The following INTS10 variants were observed in gnomAD, a reference collection of about 807,000 sequenced individuals.
INTS10 encodes integrator complex subunit 10.
A neutral mutation model predicts 94.4 loss-of-function variants in INTS10; 44 were observed. That is an observed-to-expected ratio of 0.47 (90% confidence interval 0.37 to 0.60). The LOEUF (loss-of-function observed/expected upper bound fraction) is 0.60, where lower values mean the gene tolerates loss of function less well. Ranked by LOEUF, INTS10 falls within the 20% of genes least tolerant of loss-of-function variation. The pLI is 0.00. For synonymous variants in INTS10, 341 were observed against 320.7 expected, an observed-to-expected ratio of 1.06 and a Z score of -0.68; for missense variants, 797 against 868.7, an observed-to-expected ratio of 0.92 and a Z score of 1.04.
At chr8:19,819,199 T>A (rs919707563) in intron 2 of INTS10, among the ~76,000 whole-genome samples, 1 of 152,186 alleles carries the variant, frequency 6.6e-6, no homozygotes, top group African/African-American at 2.4e-5. Flanking sequence ...TAAAAAAAAA[T>A]TTGTACTACT....
intron 9 of INTS10, among the ~76,000 whole-genome samples, chr8:19,828,256 A>G (rs1480597322): frequency 6.6e-6 from 1 of 152,186 alleles, no homozygotes; most frequent in Non-Finnish European, 1.5e-5. Context: ...TCTCATAACA[A>G]TCCAGATTTC....
chr8:19,823,517 C>CCAG, intron 6 of INTS10, 76 bp downstream of exon 6: 1 of 987,550 alleles, frequency 1.0e-6, no homozygotes, highest in East Asian at 2.4e-5. Context: ...CCTCAATGTT[C>CCAG]TGATTATTCT....
intron 10 of INTS10, 88 bp from the exon 11 acceptor site, chr8:19,831,940 C>G (rs73206576): frequency 0.065 from 51,542 of 790,288 alleles, 1,926 homozygotes; most frequent in Non-Finnish European, 0.072. Context: ...GGTAGGTTGT[C>G]TCTCTTCTCT....
At chr8:19,820,898 C>G in intron 4 of INTS10, 1 of 158,666 alleles carries the variant, frequency 6.3e-6, no homozygotes, top group Non-Finnish European at 1.4e-5. Flanking sequence ...CTATTCCTGC[C>G]CCTTTCCTTC....
intron 15 of INTS10, among the ~76,000 whole-genome samples, chr8:19,844,677 C>T (rs1181493089): frequency 6.6e-6 from 1 of 152,158 alleles, no homozygotes; most frequent in African/African-American, 2.4e-5. Flanking sequence ...GTCTTACCTA[C>T]CAATGAGTAC....
At position 19,846,695 on chromosome 8, in the gene INTS10, C is replaced by T. The variant is rs1320535550; in HGVS notation, c.1976+898C>T. On this transcript the variant is annotated intron_variant, in intron 16 of 16. Coordinates refer to ENST00000397977, the MANE Select transcript of INTS10 (RefSeq NM_018142.4). This position sits in a 1 kb window ranked among gnomAD's most constrained non-coding sequence, Gnocchi z 4.2. ...AACTCACAAGATGTTACTAAAATTC[C>T]GGGTTGGCCCAGATGAAAATGCCAA... Among the ~76,000 whole-genome samples, 2 of 152,128 alleles carry T rather than the reference C, an allele frequency of 1.3e-5. No homozygotes were observed. The highest frequency in any genetic ancestry group is 4.8e-5 in the African/African-American group (2 of 41,406).
chr8:19,848,955 C>T (rs1169807337), intron 16 of INTS10: 4 of 252,884 alleles, frequency 1.6e-5, no homozygotes, highest in East Asian at 1.0e-4. Context: ...CCTCTGGACA[C>T]GCACCAGCAG....
rs2068992355 is a variant in INTS10 at position 19,851,077 on chromosome 8, A to T, written c.1977-572A>T. 6.6e-6 allele frequency among the ~76,000 whole-genome samples: 1 copy of T among 152,192 alleles called. No homozygotes were observed. Among genetic ancestry groups the T allele is most frequent in the Non-Finnish European group, 1.5e-5 (1 of 68,038 alleles). On this transcript the variant is annotated intron_variant, in intron 16 of 16. Transcript: ENST00000397977. This position sits in a 1 kb window ranked among gnomAD's most constrained non-coding sequence, Gnocchi z 5.0. ...TCAACATATGAGAGTCTAGATGGGC[A>T]CAGCATTTAGAGGAGCTGCCCTATT...
intron 12 of INTS10, among the ~76,000 whole-genome samples, chr8:19,834,087 C>G (rs1358648509): frequency 6.6e-6 from 1 of 151,964 alleles, no homozygotes; most frequent in Non-Finnish European, 1.5e-5. Flanking sequence ...GGTTTCAAGC[C>G]CTTCCTACTA....
At chr8:19,827,272 A>C (rs1458645102) in intron 9 of INTS10, among the ~76,000 whole-genome samples, 1 of 151,976 alleles carries the variant, frequency 6.6e-6, no homozygotes, top group East Asian at 1.9e-4. Flanking sequence ...TTTCCCTTGG[A>C]TCTCTGCCTG....
rs2068819317 is a variant in INTS10 at position 19,849,167 on chromosome 8, C to A, written c.1977-2482C>A. 4.7e-6 allele frequency: 6 copies of A among 1,288,998 alleles called. No individual in the cohort carries two copies. Among genetic ancestry groups the A allele is most frequent in the Non-Finnish European group, 6.1e-6 (6 of 988,274 alleles). The allele number at this position is 1,288,998 out of a possible 1,614,324, so 79.8% of individuals were successfully genotyped here. A position where few individuals can be genotyped will look rare whatever the true frequency, so the allele number is the denominator to read the frequency against. ...CTGTTTGCTGTTTTTTAAAGGCCTT[C>A]TAGCCCTCCCATGGGGTTACTGCAG... On this transcript the variant is annotated intron_variant, in intron 16 of 16. Coordinates refer to ENST00000397977, the MANE Select transcript of INTS10 (RefSeq NM_018142.4). The surrounding 1 kb of genome is among the most constrained non-coding windows in gnomAD (Gnocchi z 4.6).
chr8:19,827,207 C>T (rs749777835), intron 9 of INTS10, among the ~76,000 whole-genome samples: 10 of 152,066 alleles, frequency 6.6e-5, no homozygotes, highest in African/African-American at 2.2e-4. Context: ...ACCCCGAGCC[C>T]GTCCCTGCCT....
intron 12 of INTS10, among the ~76,000 whole-genome samples, chr8:19,834,111 A>G (rs930882044): frequency 3.3e-5 from 5 of 152,048 alleles, no homozygotes; most frequent in Non-Finnish European, 5.9e-5. Context: ...GGTGGGGACT[A>G]TGTTTTTATC....
chr8:19,826,616 A>T lies in INTS10; in HGVS notation c.1140+57A>T, dbSNP rs1589953103. 22 of 1,500,916 alleles carry T rather than the reference A, an allele frequency of 1.5e-5. No individual in the cohort carries two copies. In the East Asian group the frequency reaches 5.2e-4, roughly 35 times the overall value. 93.0% of individuals were successfully genotyped at this position (1,500,916 alleles called of 1,614,324 possible). A position where few individuals can be genotyped will look rare whatever the true frequency, so the allele number is the denominator to read the frequency against. Reference sequence around the variant, plus strand: ...TGGATGGGACGCTTTGCTAGAGATGAATCTTTGTAAAATATGGCTTTGGAG... The same window carrying T: ...TGGATGGGACGCTTTGCTAGAGATGTATCTTTGTAAAATATGGCTTTGGAG... On this transcript the variant is annotated intron_variant, in intron 9 of 16. Transcript: ENST00000397977.
intron 1 of INTS10, 60 bp from the exon 2 acceptor site, chr8:19,818,215 G>C (rs2066092464): frequency 6.5e-7 from 1 of 1,540,560 alleles, no homozygotes; most frequent in African/African-American, 1.4e-5. Flanking sequence ...AGCGATGCTG[G>C]ATGAGCTGGG....
intron 13 of INTS10, among the ~76,000 whole-genome samples, chr8:19,841,487 T>C (rs2068120295): frequency 6.6e-6 from 1 of 152,044 alleles, no homozygotes; most frequent in Non-Finnish European, 1.5e-5. Flanking sequence ...CCAATCCCCA[T>C]AGAAAAATAG....
chr8:19,851,210 A>G lies in INTS10; in HGVS notation c.1977-439A>G, dbSNP rs1318591052. Among the ~76,000 whole-genome samples, 1 of 152,110 alleles carries G rather than the reference A, an allele frequency of 6.6e-6. No homozygotes were observed. The highest frequency in any genetic ancestry group is 1.5e-5 in the Non-Finnish European group (1 of 68,038). On this transcript the variant is annotated intron_variant, in intron 16 of 16. Coordinates refer to ENST00000397977, the MANE Select transcript of INTS10 (RefSeq NM_018142.4). This position sits in a 1 kb window ranked among gnomAD's most constrained non-coding sequence, Gnocchi z 5.0. ...GCCATGGTGGGAGCTCACTTGGGTG[A>G]TTGGCTCATTCAGGTCTCCTCCCTC...
At chr8:19,824,754 T>A (rs765411425) in intron 7 of INTS10, 49 bp from the exon 8 acceptor site, 1 of 1,380,180 alleles carries the variant, frequency 7.2e-7, no homozygotes, top group Non-Finnish European at 1.0e-6. Context: ...GACTTCTTGC[T>A]GACCAGCCCA....
At chr8:19,845,892 A>C in intron 16 of INTS10, 95 bp downstream of exon 16, 1 of 784,902 alleles carries the variant, frequency 1.3e-6, no homozygotes, top group East Asian at 2.7e-5. Context: ...TCAAAAATTT[A>C]ATACAAAGGA....
Sources: allele counts gnomAD v4.1 joint callset (sites outside exome capture counted in the v4.1 genomes callset), GRCh38; gene constraint gnomAD v4.1.1; non-coding constraint Gnocchi (gnomAD v3.1); transcripts MANE v1.5; gene names NCBI Gene and HGNC (gene_info 2026-07-23, HGNC 2026-07-21).